Variants in NKAIN2 observed in about 807,000 individuals in gnomAD.
NKAIN2 encodes sodium/potassium transporting ATPase interacting 2.
Under a neutral mutation model 32.6 loss-of-function variants are expected in NKAIN2, and 14 were observed. The ratio of observed to expected loss-of-function variants is 0.43; its 90% CI spans 0.28 to 0.67. NKAIN2 has a LOEUF of 0.67. Among genes scored for constraint, NKAIN2 ranks in the 30% least tolerant of loss-of-function variants. NKAIN2 has a pLI of 0.17. For missense variants in NKAIN2, 198 were observed against 258.3 expected, an observed-to-expected ratio of 0.77 and a Z score of 1.60; for synonymous variants, 80 against 87.2, an observed-to-expected ratio of 0.92 and a Z score of 0.46.
intron 3 of NKAIN2, among the ~76,000 whole-genome samples, chr6:124,497,887 T>C (rs1778127543): frequency 6.9e-6 from 1 of 145,816 alleles, no homozygotes; most frequent in African/African-American, 2.5e-5. Flanking sequence ...CAGAAAAAGA[T>C]TCAAAATTCT....
intron 3 of NKAIN2, among the ~76,000 whole-genome samples, chr6:124,429,215 T>G (rs1170656218): frequency 6.6e-6 from 1 of 151,674 alleles, no homozygotes; most frequent in African/African-American, 2.4e-5. Context: ...TTTTTTTTTT[T>G]TTTTCTATTT....
rs185166932 is a variant in NKAIN2, at chr6:124,224,133, A to G, written c.55-58872A>G. Among the ~76,000 whole-genome samples, 157 of 152,260 alleles carry G rather than the reference A, an allele frequency of 1.0e-3. 1 individual carries two copies. The highest frequency in any genetic ancestry group is 3.7e-3 in the African/African-American group (152 of 41,570). The stretch of plus-strand genomic sequence containing the variant: ...TGTGCATAGACATATGTACATGACT[A>G]CATATTCTGCATACATTTACATTCA... On this transcript the variant is annotated intron_variant, in intron 1 of 6. Coordinates refer to ENST00000368417, the MANE Select transcript of NKAIN2 (RefSeq NM_001040214.3).
intron 1 of NKAIN2, among the ~76,000 whole-genome samples, chr6:124,135,304 A>C (rs966630792): frequency 1.3e-5 from 2 of 152,038 alleles, no homozygotes; most frequent in African/African-American, 4.8e-5. Context: ...TAAATGGCCT[A>C]AATGCTCCAC....
intron 4 of NKAIN2, among the ~76,000 whole-genome samples, chr6:124,665,416 A>G (rs1398306190): frequency 6.6e-6 from 1 of 152,228 alleles, no homozygotes; most frequent in African/African-American, 2.4e-5. Flanking sequence ...AATATCAAGC[A>G]TCAATTCCAA....
rs1285336270 is a variant in NKAIN2, at chr6:124,387,226, TAAGC to T, written c.273+31885_273+31888del. Among the ~76,000 whole-genome samples the T allele has an allele frequency of 1.3e-4, 20 of 152,168 alleles. 1 individual carries two copies. The East Asian group carries it at 1.4e-3, about 10-fold the overall frequency. ...AGTTGATTTTACAATAGAAAAATGA[TAAGC>T]AAGCAGTGACATCATGTGTCTTTAG... On this transcript the variant is annotated intron_variant, in intron 3 of 6. Transcript: ENST00000368417.
In NKAIN2 at chr6:123,969,295, A is replaced by G. The variant is rs143313348; in HGVS notation, c.54+165041A>G. Among the ~76,000 whole-genome samples, 418 of 152,300 alleles carry G rather than the reference A, an allele frequency of 2.7e-3. 3 individuals carry two copies. The highest frequency in any genetic ancestry group is 6.0e-3 in the Admixed American group (91 of 15,290). On this transcript the variant is annotated intron_variant, in intron 1 of 6. Coordinates refer to ENST00000368417, the MANE Select transcript of NKAIN2 (RefSeq NM_001040214.3). ...TATGAAATGATGTGAGGTAAAACAT[A>G]TATTTTTATAAGGAATAAGGATGGA...
At chr6:124,776,048 T>G (rs1304057404) in intron 4 of NKAIN2, among the ~76,000 whole-genome samples, 1 of 152,164 alleles carries the variant, frequency 6.6e-6, no homozygotes, top group Non-Finnish European at 1.5e-5. Context: ...GGCTGGCAGC[T>G]CTGGCAGAAA....
chr6:124,779,380 G>GAAGGAAGGA (rs1172376022), intron 4 of NKAIN2, among the ~76,000 whole-genome samples: 1 of 143,846 alleles, frequency 7.0e-6, no homozygotes, highest in Non-Finnish European at 1.5e-5. Flanking sequence ...AGGAAGGAAG[G>GAAGGAAGGA]AAGTCCTCCT....
At chr6:124,660,920 T>C (rs1213376142) in intron 4 of NKAIN2, among the ~76,000 whole-genome samples, 1 of 152,246 alleles carries the variant, frequency 6.6e-6, no homozygotes, top group African/African-American at 2.4e-5. Flanking sequence ...ATCTTCATTC[T>C]GATCACTGAT....
intron 4 of NKAIN2, among the ~76,000 whole-genome samples, chr6:124,712,193 G>A (rs1333879406): frequency 2.7e-5 from 4 of 150,564 alleles, no homozygotes; most frequent in Non-Finnish European, 4.4e-5. Flanking sequence ...CTCCAGCTGC[G>A]TGCTGGGAGA....
intron 4 of NKAIN2, among the ~76,000 whole-genome samples, chr6:124,752,486 T>A (rs1777769152): frequency 6.6e-6 from 1 of 152,062 alleles, no homozygotes; most frequent in African/African-American, 2.4e-5. Flanking sequence ...TCTTTGTTAT[T>A]TCCTCTATTC....
At chr6:124,720,629 T>C (rs1232258938) in intron 4 of NKAIN2, among the ~76,000 whole-genome samples, 4 of 152,174 alleles carry the variant, frequency 2.6e-5, no homozygotes, top group Admixed American at 2.0e-4. Flanking sequence ...TGCTGAAGCA[T>C]AGAGCCCTAT....
chr6:124,411,563 A>T (rs1271460989), intron 3 of NKAIN2, among the ~76,000 whole-genome samples: 1 of 152,250 alleles, frequency 6.6e-6, no homozygotes, highest in Non-Finnish European at 1.5e-5. Context: ...TGTTAGTCTG[A>T]TGGGCTTCCT....
intron 2 of NKAIN2, among the ~76,000 whole-genome samples, chr6:124,348,960 C>G (rs140732716): frequency 1.3e-5 from 2 of 152,114 alleles, no homozygotes; most frequent in South Asian, 2.1e-4. Flanking sequence ...ACACCTGGCT[C>G]GGAGGGTCCT....
intron 1 of NKAIN2, among the ~76,000 whole-genome samples, chr6:124,077,650 C>CA (rs1783754817): frequency 6.6e-6 from 1 of 151,218 alleles, no homozygotes; most frequent in African/African-American, 2.4e-5. Context: ...TTTTTGGAGA[C>CA]AGAGTCTGCA....
At chr6:123,856,337 A>G (rs1775553448) in intron 1 of NKAIN2, among the ~76,000 whole-genome samples, 1 of 152,192 alleles carries the variant, frequency 6.6e-6, no homozygotes, top group Non-Finnish European at 1.5e-5. Context: ...TTTATATTTA[A>G]CCCTCAGTCT....
intron 6 of NKAIN2, among the ~76,000 whole-genome samples, chr6:124,822,251 C>T (rs1469715818): frequency 6.6e-6 from 1 of 152,218 alleles, no homozygotes; most frequent in Admixed American, 6.5e-5. Context: ...ACCTCATCCC[C>T]TACTGAGAGG....
intron 4 of NKAIN2, among the ~76,000 whole-genome samples, chr6:124,718,626 T>A (rs760758259): frequency 1.3e-5 from 2 of 152,122 alleles, no homozygotes; most frequent in Non-Finnish European, 2.9e-5. Context: ...ATTCACAATC[T>A]TTGCAACTTC....
intron 1 of NKAIN2, among the ~76,000 whole-genome samples, chr6:123,834,197 CA>C (rs1394693479): frequency 6.6e-6 from 1 of 152,086 alleles, no homozygotes; most frequent in Non-Finnish European, 1.5e-5. Context: ...CTCTGTTGCC[CA>C]GGCTGGCGTG....
Sources: gnomAD v4.1 joint callset for allele counts (sites outside exome capture counted in the v4.1 genomes callset) on GRCh38, gnomAD v4.1.1 for gene constraint, MANE v1.5 for transcripts, NCBI Gene and HGNC (gene_info 2026-07-23, HGNC 2026-07-21) for gene names.